The following SLC71A1 variants were observed in gnomAD, a reference collection of about 807,000 sequenced individuals.
The protein encoded by SLC71A1 is hippocampus abundant gene transcript 1.
chr1:100,046,212 G>GTTTTTTTTTTTTT, the SLC71A1 span, among the ~76,000 whole-genome samples: 7 of 54,120 alleles, frequency 1.3e-4, 3 homozygotes, highest in Non-Finnish European at 1.8e-4. Context: ...TCCAAGCCTC[G>GTTTTTTTTTTTTT]TTTTTTTTTT....
chr1:100,065,113 A>G, the SLC71A1 span, among the ~76,000 whole-genome samples: 37 of 152,184 alleles, frequency 2.4e-4, no homozygotes, highest in African/African-American at 8.2e-4. Flanking sequence ...AACTCAAGTG[A>G]TCTGCCTGTC....
chr1:100,068,602 A>G, the SLC71A1 span: 1 of 1,338,640 alleles, frequency 7.5e-7, no homozygotes, highest in South Asian at 1.2e-5. Flanking sequence ...ATCCTCTTCC[A>G]CTAAGGTGGA....
the SLC71A1 span, among the ~76,000 whole-genome samples, chr1:100,050,633 G>T: frequency 3.3e-5 from 5 of 152,170 alleles, no homozygotes; most frequent in East Asian, 9.6e-4. Context: ...AATCCTAGAG[G>T]AATAGAGTTT....
At chr1:100,073,674 G>A in the SLC71A1 span, among the ~76,000 whole-genome samples, 1 of 152,196 alleles carries the variant, frequency 6.6e-6, no homozygotes, top group Non-Finnish European at 1.5e-5. Context: ...TAGTCCGTGT[G>A]TTGATGGATA....
the SLC71A1 span, among the ~76,000 whole-genome samples, chr1:100,041,133 C>G: frequency 3.3e-5 from 5 of 152,262 alleles, no homozygotes; most frequent in Non-Finnish European, 7.4e-5. Flanking sequence ...AATGATTTTT[C>G]TGAAAATTAG....
the SLC71A1 span, chr1:100,082,242 C>T: frequency 1.3e-6 from 2 of 1,552,060 alleles, no homozygotes; most frequent in Non-Finnish European, 1.8e-6. Context: ...TCTATCAGCA[C>T]CCAGGTCTTA....
chr1:100,061,602 T>C, the SLC71A1 span, among the ~76,000 whole-genome samples: 1 of 152,192 alleles, frequency 6.6e-6, no homozygotes, highest in East Asian at 1.9e-4. Flanking sequence ...GAATACATGA[T>C]CTAATTTTAA....
At chr1:100,082,298 T>C in the SLC71A1 span, 3 of 1,009,346 alleles carry the variant, frequency 3.0e-6, no homozygotes, top group Non-Finnish European at 4.5e-6. Context: ...CCATCCACAG[T>C]GTACTTTAAG....
the SLC71A1 span, chr1:100,068,377 G>T: frequency 1.1e-6 from 1 of 943,146 alleles, no homozygotes; most frequent in East Asian, 2.4e-5. Flanking sequence ...AGTTGTCCAT[G>T]AGTACACTGC....
the SLC71A1 span, among the ~76,000 whole-genome samples, chr1:100,042,821 G>A: frequency 1.3e-5 from 2 of 152,150 alleles, 1 homozygote; most frequent in Non-Finnish European, 2.9e-5. Context: ...TGTTGGCCAG[G>A]CTGGTCTCGA....
the SLC71A1 span, among the ~76,000 whole-genome samples, chr1:100,054,574 C>T: frequency 6.6e-6 from 1 of 152,104 alleles, no homozygotes; most frequent in Non-Finnish European, 1.5e-5. Flanking sequence ...ATGGTTCAAG[C>T]TCCTAGATAC....
chr1:100,046,011 T>G, the SLC71A1 span, among the ~76,000 whole-genome samples: 2 of 152,070 alleles, frequency 1.3e-5, no homozygotes, highest in African/African-American at 2.4e-5. Context: ...CTAGCACCAT[T>G]TAGGAGACTA....
the SLC71A1 span, among the ~76,000 whole-genome samples, chr1:100,045,710 A>ATTTTATT: frequency 0.1 from 15,796 of 151,758 alleles, 1,317 homozygotes; most frequent in African/African-American, 0.23. Context: ...CTTTTATTTT[A>ATTTTATT]TTTTATTTTT....
chr1:100,048,531 T>C, the SLC71A1 span, among the ~76,000 whole-genome samples: 2 of 152,232 alleles, frequency 1.3e-5, no homozygotes, highest in Non-Finnish European at 2.9e-5. Flanking sequence ...CATTTGATAC[T>C]AGGCATCACC....
At chr1:100,043,726 C>A in the SLC71A1 span, among the ~76,000 whole-genome samples, 6 of 152,314 alleles carry the variant, frequency 3.9e-5, no homozygotes, top group Admixed American at 6.5e-5. Flanking sequence ...GCTTCCCCCC[C>A]ATCCTCAAAG....
At chr1:100,066,988 C>CAA in the SLC71A1 span, among the ~76,000 whole-genome samples, 3,999 of 66,286 alleles carry the variant, frequency 0.06, 253 homozygotes, top group African/African-American at 0.1. Context: ...GACTCCGTCT[C>CAA]AAAAAAAAAA....
At chr1:100,055,649 C>CA in the SLC71A1 span, among the ~76,000 whole-genome samples, 5 of 152,050 alleles carry the variant, frequency 3.3e-5, no homozygotes, top group Non-Finnish European at 5.9e-5. Context: ...TTGATACAGG[C>CA]ATACAGTATG....
chr1:100,057,357 CTTTT>C, the SLC71A1 span, among the ~76,000 whole-genome samples: 2 of 122,562 alleles, frequency 1.6e-5, no homozygotes, highest in African/African-American at 6.1e-5. Flanking sequence ...CTTTTTCTTT[CTTTT>C]TTTTTTTTTT....
At chr1:100,070,193 A>AG in the SLC71A1 span, among the ~76,000 whole-genome samples, 5 of 152,214 alleles carry the variant, frequency 3.3e-5, no homozygotes, top group Non-Finnish European at 7.3e-5. Context: ...TTAAGGGCAC[A>AG]GGGGGCATGG....
Sources: allele counts gnomAD v4.1 joint callset (sites outside exome capture counted in the v4.1 genomes callset), GRCh38; gene constraint gnomAD v4.1.1; transcripts MANE v1.5; gene names NCBI Gene and HGNC (gene_info 2026-07-23, HGNC 2026-07-21).